The following RPS6KA5 variants were observed in gnomAD, a reference collection of about 807,000 sequenced individuals.
The protein encoded by RPS6KA5 is ribosomal protein S6 kinase alpha-5.
RPS6KA5 carries 27 observed loss-of-function variants against 85.5 expected under a neutral mutation model. The ratio of observed to expected loss-of-function variants is 0.32; its 90% CI spans 0.23 to 0.44. RPS6KA5 has a LOEUF of 0.44. Ranked by LOEUF, RPS6KA5 falls within the 20% of genes least tolerant of loss-of-function variation. RPS6KA5 has a pLI of 1.00. For synonymous variants in RPS6KA5, 334 were observed against 348.2 expected (o/e 0.96, Z 0.46); for missense variants, 811 against 980.9 (o/e 0.83, Z 2.31).
chr14:90,909,958 T>C (rs2140257956), intron 7 of RPS6KA5, among the ~76,000 whole-genome samples: 1 of 152,146 alleles, frequency 6.6e-6, no homozygotes, highest in South Asian at 2.1e-4. Flanking sequence ...GTATTTTCAG[T>C]AGAGATGGGG....
chr14:91,037,655 C>T (rs895733250), intron 1 of RPS6KA5, among the ~76,000 whole-genome samples: 14 of 148,360 alleles, frequency 9.4e-5, no homozygotes, highest in African/African-American at 3.5e-4. Context: ...ATATACTCTG[C>T]CAAAGAAGTT....
chr14:90,910,205 A>G (rs1032733565), intron 7 of RPS6KA5, among the ~76,000 whole-genome samples: 2 of 152,214 alleles, frequency 1.3e-5, no homozygotes, highest in Non-Finnish European at 2.9e-5. Context: ...ACCCAAATGA[A>G]TTCCAAATGG....
chr14:90,872,771 G>C (rs1455205171), intron 16 of RPS6KA5, among the ~76,000 whole-genome samples: 1 of 152,098 alleles, frequency 6.6e-6, no homozygotes, highest in Admixed American at 6.6e-5. Context: ...ATGTCATTTG[G>C]ATATATACTG....
In RPS6KA5 at chr14:90,872,300, T is replaced by A. The variant is rs778837620; in HGVS notation, c.2183A>T (p.Glu728Val). 4 of 1,612,848 alleles carry A rather than the reference T, an allele frequency of 2.5e-6. No homozygotes were observed. ...TFHAFNKYKR[E>V]GFCLQNVDKA... ...ATCAACATTCTGAAGGCAAAACCCC[T>A]CTCTCTTGTATTTGTTAAAGGCCTG... is the stretch of plus-strand genomic sequence containing the variant. The change falls in exon 17 of 17, where the codon GAG (glutamate) becomes GTG (valine). Residue 728 changes from glutamate to valine, a missense_variant. Around this residue, in one of 3 missense-constraint regions of RPS6KA5, gnomAD observed 650 missense variants for 793.4 expected, o/e 0.82. Transcript: ENST00000614987.
chr14:90,872,393 C>T, intron 16 of RPS6KA5, 71 bp from the exon 17 acceptor site: 2 of 1,505,280 alleles, frequency 1.3e-6, no homozygotes, highest in Non-Finnish European at 1.8e-6. Context: ...TTATGACTTA[C>T]AGCAGAAGAC....
chr14:90,894,399 C>T lies in RPS6KA5; in HGVS notation c.1644+14G>A, dbSNP rs771881685. On this transcript the variant is annotated intron_variant, in intron 13 of 16. Coordinates refer to ENST00000614987, the MANE Select transcript of RPS6KA5 (RefSeq NM_004755.4). ...GCTAGACTGAATTACGTAAGAGATC[C>T]AGTGATTTTATACCTCAGGTTTCAG... The T allele has an allele frequency of 3.1e-6, 5 of 1,611,148 alleles. No individual in the cohort carries two copies. Among genetic ancestry groups the T allele is most frequent in the African/African-American group, 2.7e-5 (2 of 74,966 alleles).
chr14:90,943,266 T>C (rs969814275), intron 4 of RPS6KA5, 81 bp from the exon 5 acceptor site: 1 of 736,586 alleles, frequency 1.4e-6, no homozygotes, highest in African/African-American at 2.2e-5. Flanking sequence ...TACCTTTATT[T>C]ATTTATTTTT....
intron 2 of RPS6KA5, among the ~76,000 whole-genome samples, chr14:90,991,965 C>T (rs999809202): frequency 2.6e-5 from 4 of 151,928 alleles, no homozygotes; most frequent in African/African-American, 7.3e-5. Context: ...TGATGAATAG[C>T]ATTTTTTTCT....
intron 1 of RPS6KA5, among the ~76,000 whole-genome samples, chr14:91,005,942 T>C (rs924925976): frequency 4.1e-4 from 3 of 7,316 alleles, no homozygotes; most frequent in Admixed American, 1.6e-3. Context: ...TGGAGCTACC[T>C]GCATGCCTAG....
chr14:90,915,720 C>T (rs1187179377), intron 7 of RPS6KA5, among the ~76,000 whole-genome samples: 1 of 151,830 alleles, frequency 6.6e-6, no homozygotes, highest in African/African-American at 2.4e-5. Context: ...GCAGGAAAAT[C>T]ACTTTAACTT....
intron 2 of RPS6KA5, among the ~76,000 whole-genome samples, chr14:91,000,571 C>T (rs776941709): frequency 3.3e-5 from 5 of 152,046 alleles, no homozygotes; most frequent in South Asian, 2.1e-4. Context: ...CAGAAGAGGG[C>T]GGATTACTTG....
At chr14:91,034,918 C>CA (rs890545257) in intron 1 of RPS6KA5, among the ~76,000 whole-genome samples, 85 of 143,924 alleles carry the variant, frequency 5.9e-4, no homozygotes, top group African/African-American at 2.1e-3. Flanking sequence ...GTATGTACCA[C>CA]AAAAAAGAAA....
chr14:90,996,154 A>T (rs536102274), intron 2 of RPS6KA5, among the ~76,000 whole-genome samples: 10 of 151,916 alleles, frequency 6.6e-5, no homozygotes, highest in African/African-American at 2.4e-4. Context: ...TGGGACTATA[A>T]GCGAGTGTCA....
Position 91,009,823 on chromosome 14 carries a change from C to A in RPS6KA5, c.104-8664G>T, listed in dbSNP as rs1350334389. 4.6e-5 allele frequency among the ~76,000 whole-genome samples: 7 copies of A among 152,238 alleles called. No homozygotes were observed. In the East Asian group the frequency reaches 1.2e-3, roughly 25 times the overall value. On this transcript the variant is annotated intron_variant, in intron 1 of 16. Coordinates refer to ENST00000614987, the MANE Select transcript of RPS6KA5 (RefSeq NM_004755.4). ...AATGGCTAAAGCTTTAAGACGAACG[C>A]CCTTCAAGAGACCACAGGAAAGGAA...
chr14:90,900,832 A>G, intron 9 of RPS6KA5, 96 bp from the exon 10 acceptor site: 1 of 1,024,992 alleles, frequency 9.8e-7, no homozygotes, highest in Non-Finnish European at 1.4e-6. Flanking sequence ...TTAGAAAAAC[A>G]CTCAAATATT....
chr14:90,979,523 T>C (rs2039705484), intron 2 of RPS6KA5, among the ~76,000 whole-genome samples: 5 of 152,224 alleles, frequency 3.3e-5, no homozygotes, highest in African/African-American at 1.2e-4. Flanking sequence ...TCACACTCTA[T>C]GGCATTTACC....
In RPS6KA5 at chr14:90,861,004, GC is replaced by G. The variant is rs1286178064; in HGVS notation, c.*11069del. Reference sequence around the variant, plus strand: ...TCTTCCGGGTTCAAGCGTTTCTCCTGCCTCAGCCTCCCAAGTAGCTAGGATT... The same window carrying G: ...TCTTCCGGGTTCAAGCGTTTCTCCTGCTCAGCCTCCCAAGTAGCTAGGATT... On this transcript the variant is annotated 3_prime_UTR_variant, in exon 17 of 17. Coordinates refer to ENST00000614987, the MANE Select transcript of RPS6KA5 (RefSeq NM_004755.4). 2.7e-5 allele frequency: 4 copies of G among 148,914 alleles called. No individual in the cohort carries two copies. Among genetic ancestry groups the G allele is most frequent in the African/African-American group, 9.9e-5 (4 of 40,284 alleles). 9.2% of individuals were successfully genotyped at this position (148,914 alleles called of 1,614,324 possible). A position where few individuals can be genotyped will look rare whatever the true frequency, so the allele number is the denominator to read the frequency against.
chr14:91,016,080 T>G (rs1436208945), intron 1 of RPS6KA5, among the ~76,000 whole-genome samples: 2 of 152,192 alleles, frequency 1.3e-5, no homozygotes, highest in Non-Finnish European at 2.9e-5. Flanking sequence ...CCTCCTGCTC[T>G]CATTTCAAAC....
At chr14:91,012,515 AC>A (rs1416068845) in intron 1 of RPS6KA5, among the ~76,000 whole-genome samples, 1 of 152,142 alleles carries the variant, frequency 6.6e-6, no homozygotes, top group Non-Finnish European at 1.5e-5. Context: ...CATTGGGCTT[AC>A]CAGCCCCTTA....
Sources: gnomAD v4.1 joint callset for allele counts (sites outside exome capture counted in the v4.1 genomes callset) on GRCh38, gnomAD v4.1.1 for gene constraint, gnomAD v4.1.1 regional missense constraint, MANE v1.5 for transcripts, NCBI Gene and HGNC (gene_info 2026-07-23, HGNC 2026-07-21) for gene names.